TPGS2: variants seen among roughly 807,000 people sequenced by gnomAD.
TPGS2 encodes tubulin polyglutamylase complex subunit 2.
TPGS2 carries 26 observed loss-of-function variants against 31.1 expected under a neutral mutation model. The observed-to-expected ratio is 0.84, with a 90% confidence interval of 0.61 to 1.16. The LOEUF is 1.16. Ranked by LOEUF, TPGS2 falls within the 50% of genes most tolerant of loss-of-function variation. TPGS2 has a pLI of 0.00. For synonymous variants in TPGS2, 130 were observed against 136.6 expected, an observed-to-expected ratio of 0.95 and a Z score of 0.34; for missense variants, 351 against 363.8, an observed-to-expected ratio of 0.96 and a Z score of 0.29.
chr18:36,827,038 T>C (rs1239576664), intron 1 of TPGS2, among the ~76,000 whole-genome samples: 1 of 152,180 alleles, frequency 6.6e-6, no homozygotes, highest in Non-Finnish European at 1.5e-5. Context: ...TGATTTTTTT[T>C]AAGTTTCTTT....
intron 2 of TPGS2, among the ~76,000 whole-genome samples, chr18:36,814,653 C>A (rs2045575312): frequency 6.6e-6 from 1 of 152,166 alleles, no homozygotes; most frequent in African/African-American, 2.4e-5. Flanking sequence ...GACTTCTACT[C>A]CAGTGTGTTT....
intron 1 of TPGS2, chr18:36,823,878 A>C: frequency 1.0e-6 from 1 of 985,152 alleles, no homozygotes; most frequent in Non-Finnish European, 1.2e-6. Context: ...AGTCCTGTGG[A>C]TTAGAGTAGG....
chr18:36,812,389 A>G (rs978336950), intron 2 of TPGS2, among the ~76,000 whole-genome samples: 12 of 152,144 alleles, frequency 7.9e-5, no homozygotes, highest in African/African-American at 2.9e-4. Context: ...GGGTAAGTTG[A>G]TTATCAATGG....
At chr18:36,798,424 A>G (rs2150566216) in intron 6 of TPGS2, 25 bp downstream of exon 6, 1 of 1,614,016 alleles carries the variant, frequency 6.2e-7, no homozygotes, top group Non-Finnish European at 8.5e-7. Context: ...ACCATAGTTT[A>G]CAATGGCAGG....
At chr18:36,793,939 C>T (rs2044406277), downstream of TPGS2, among the ~76,000 whole-genome samples, 1 of 152,106 alleles carries the variant, frequency 6.6e-6, no homozygotes, top group African/African-American at 2.4e-5. Context: ...GATGGGGTTT[C>T]ACTGTGTTAG....
rs771462616 is a variant in TPGS2, at chr18:36,800,320, C to T, written c.383-9G>A. 7.8e-5 allele frequency: 125 copies of T among 1,612,814 alleles called. No individual in the cohort carries two copies. The highest frequency in any genetic ancestry group is 1.0e-4 in the Non-Finnish European group (121 of 1,178,988). ...TGGCTGATCATCACTGGCTGCAAAC[C>T]CAGAAGTTAATGGTAATGTTCAAAC... On this transcript the variant is annotated splice_polypyrimidine_tract_variant and intron_variant, in intron 4 of 6. Coordinates refer to ENST00000334295, the MANE Select transcript of TPGS2 (RefSeq NM_015476.4).
chr18:36,795,132 AG>A lies in TPGS2; in HGVS notation c.*1672del. 1 of 985,442 alleles carries A rather than the reference AG, an allele frequency of 1.0e-6. No individual in the cohort carries two copies. Among genetic ancestry groups the A allele is most frequent in the Non-Finnish European group, 1.2e-6 (1 of 829,934 alleles). The allele number at this position is 985,442 out of a possible 1,614,324, so 61.0% of individuals were successfully genotyped here. ...TTCCTCAGGGGCTATGGAAAGTGGTAGGTGGAGGAGATATCGAAGGCGCTTT... is the reference window on the plus strand; with the variant it reads ...TTCCTCAGGGGCTATGGAAAGTGGTAGTGGAGGAGATATCGAAGGCGCTTT... On this transcript the variant is annotated 3_prime_UTR_variant, in exon 7 of 7. Transcript: ENST00000334295.
intron 6 of TPGS2, 72 bp from the exon 7 acceptor site, chr18:36,797,122 G>T: frequency 6.4e-7 from 1 of 1,572,482 alleles, no homozygotes; most frequent in Non-Finnish European, 8.6e-7. Context: ...CTTTTTGTGG[G>T]ATGCAGGAGA....
chr18:36,785,114 T>C (rs1323275157), intron 6 of TPGS2, among the ~76,000 whole-genome samples: 1 of 151,952 alleles, frequency 6.6e-6, no homozygotes, highest in Non-Finnish European at 1.5e-5. Context: ...GCCTGAACAA[T>C]ATGATGAAAC....
At chr18:36,827,796 A>C (rs1396507753) in intron 1 of TPGS2, among the ~76,000 whole-genome samples, 1 of 152,228 alleles carries the variant, frequency 6.6e-6, no homozygotes. Context: ...ATCTCTGAGT[A>C]ACAGATTACT....
Position 36,796,084 on chromosome 18 carries a change from A to AAACT in TPGS2, c.*717_*720dup. The AAACT allele has an allele frequency of 1.0e-6, 1 of 985,488 alleles. No homozygotes were observed. The highest frequency in any genetic ancestry group is 1.2e-6 in the Non-Finnish European group (1 of 829,942). The allele number at this position is 985,488 out of a possible 1,614,324, so 61.0% of individuals were successfully genotyped here. On this transcript the variant is annotated 3_prime_UTR_variant, in exon 7 of 7. Coordinates refer to ENST00000334295, the MANE Select transcript of TPGS2 (RefSeq NM_015476.4). ...TTCACTGGAAACTGATGAGGAAGACAAACTTTATAGGAAGCTGCAAAAGAA... is the reference window on the plus strand; with the variant it reads ...TTCACTGGAAACTGATGAGGAAGACAAACTAACTTTATAGGAAGCTGCAAAAGAA...
At chr18:36,812,506 G>A (rs1401739486) in intron 2 of TPGS2, among the ~76,000 whole-genome samples, 1 of 152,220 alleles carries the variant, frequency 6.6e-6, no homozygotes, top group Non-Finnish European at 1.5e-5. Context: ...TTCCTGTAGT[G>A]TGGCGTGCTC....
At position 36,795,469 on chromosome 18, in the gene TPGS2, A is replaced by G; in HGVS notation, c.*1336T>C. ...TCAGTACAAAAACTGCAGCCACCCA[A>G]AGAACTTGGGGCTAGGTGGGTGACT... On this transcript the variant is annotated 3_prime_UTR_variant, in exon 7 of 7. Transcript: ENST00000334295. The G allele has an allele frequency of 1.0e-6, 1 of 985,426 alleles. No homozygotes were observed. Among genetic ancestry groups the G allele is most frequent in the Non-Finnish European group, 1.2e-6 (1 of 829,946 alleles). 61.0% of individuals were successfully genotyped at this position (985,426 alleles called of 1,614,324 possible). A position where few individuals can be genotyped will look rare whatever the true frequency, so the allele number is the denominator to read the frequency against.
chr18:36,806,056 C>T (rs2045114729), intron 3 of TPGS2: 1 of 152,182 alleles, frequency 6.6e-6, no homozygotes, highest in Non-Finnish European at 1.5e-5. Context: ...GGTGTAAATA[C>T]AGACTAGGAA....
Position 36,795,312 on chromosome 18 carries a change from G to A in TPGS2, c.*1493C>T, listed in dbSNP as rs567733520. ...TTAGCAGGTAGACAGTGCAAAGGAA[G>A]GAAGTCTGGCCAATCACCGGGGTAG... On this transcript the variant is annotated 3_prime_UTR_variant, in exon 7 of 7. Transcript: ENST00000334295. The A allele has an allele frequency of 7.8e-5, 77 of 985,618 alleles. 1 individual carries two copies. The South Asian group carries it at 3.1e-3, about 40-fold the overall frequency. 61.1% of individuals were successfully genotyped at this position (985,618 alleles called of 1,614,324 possible). A position where few individuals can be genotyped will look rare whatever the true frequency, so the allele number is the denominator to read the frequency against.
At chr18:36,818,773 C>T in intron 2 of TPGS2, 121 bp downstream of exon 2, 4 of 892,680 alleles carry the variant, frequency 4.5e-6, no homozygotes, top group Non-Finnish European at 6.9e-6. Flanking sequence ...AAAAGGTAAA[C>T]TCTACCTTGA....
At chr18:36,824,453 G>C (rs1277381494) in intron 1 of TPGS2, among the ~76,000 whole-genome samples, 2 of 152,188 alleles carry the variant, frequency 1.3e-5, no homozygotes, top group African/African-American at 4.8e-5. Context: ...TGCCAGACTA[G>C]TTTTCAAAGC....
At chr18:36,824,960 T>A (rs2046065103) in intron 1 of TPGS2, among the ~76,000 whole-genome samples, 1 of 152,222 alleles carries the variant, frequency 6.6e-6, no homozygotes, top group South Asian at 2.1e-4. Context: ...AAGGCCTGTT[T>A]TCTTCCAAGA....
chr18:36,806,046 G>C (rs940838460), intron 3 of TPGS2: 1 of 152,176 alleles, frequency 6.6e-6, no homozygotes, highest in African/African-American at 2.4e-5. Flanking sequence ...CTGTGATTAG[G>C]GTGTAAATAC....
Sources: allele counts gnomAD v4.1 joint callset (sites outside exome capture counted in the v4.1 genomes callset), GRCh38; gene constraint gnomAD v4.1.1; transcripts MANE v1.5; gene names NCBI Gene and HGNC (gene_info 2026-07-23, HGNC 2026-07-21).